Variants in DGKH observed in about 807,000 individuals in gnomAD.
DGKH encodes DAG kinase eta.
A neutral mutation model predicts 159.3 loss-of-function variants in DGKH; 90 were observed. That is an observed-to-expected ratio of 0.57 (90% confidence interval 0.48 to 0.67). The LOEUF is 0.67. Among genes scored for constraint, DGKH ranks in the 30% least tolerant of loss-of-function variants. DGKH has a pLI of 0.00. For missense variants in DGKH, 1,181 were observed against 1,506.1 expected, an observed-to-expected ratio of 0.78 and a Z score of 3.57; for synonymous variants, 536 against 553.8, an observed-to-expected ratio of 0.97 and a Z score of 0.45.
chr13:42,216,946 C>T (rs1957814359), intron 26 of DGKH, among the ~76,000 whole-genome samples: 1 of 152,116 alleles, frequency 6.6e-6, no homozygotes, highest in African/African-American at 2.4e-5. Context: ...ACGAAAAGTA[C>T]CTGCTGAGTG....
At chr13:42,077,500 T>C (rs1397117563) in intron 1 of DGKH, among the ~76,000 whole-genome samples, 3 of 152,162 alleles carry the variant, frequency 2.0e-5, no homozygotes, top group African/African-American at 4.8e-5. Flanking sequence ...TTATCCAAGA[T>C]ATAAAAAAGG....
At chr13:42,132,978 C>T (rs1180462184) in intron 3 of DGKH, among the ~76,000 whole-genome samples, 1 of 152,006 alleles carries the variant, frequency 6.6e-6, no homozygotes, top group Non-Finnish European at 1.5e-5. Flanking sequence ...ACCATCCTGG[C>T]TAACACGGTG....
chr13:42,214,285 AT>A (rs1410471302), intron 24 of DGKH, among the ~76,000 whole-genome samples: 1 of 152,064 alleles, frequency 6.6e-6, no homozygotes, highest in Non-Finnish European at 1.5e-5. Context: ...TTTAAGCCTA[AT>A]TTTTTATACA....
At chr13:42,057,269 T>C (rs978258470) in intron 1 of DGKH, among the ~76,000 whole-genome samples, 3 of 152,146 alleles carry the variant, frequency 2.0e-5, no homozygotes, top group Non-Finnish European at 4.4e-5. Context: ...TTAAAACATA[T>C]TTGAGGAAAA....
At chr13:42,137,935 C>A in intron 3 of DGKH, 1 of 202,984 alleles carries the variant, frequency 4.9e-6, no homozygotes, top group Non-Finnish European at 8.7e-6. Flanking sequence ...GTGCGCAGGA[C>A]CTGTGGTTGA....
intron 13 of DGKH, among the ~76,000 whole-genome samples, chr13:42,186,010 G>GGTGGT (rs1224301794): frequency 2.3e-5 from 3 of 132,390 alleles, no homozygotes; most frequent in South Asian, 4.7e-4. Context: ...TGGTGGTGGT[G>GGTGGT]GTGTGTGTGT....
exon 31 of DGKH, chr13:42,256,492 T>G: frequency 9.0e-7 from 1 of 1,115,176 alleles, no homozygotes; most frequent in Non-Finnish European, 1.4e-6. Flanking sequence ...CAGAACAGTT[T>G]GATGAACAGG....
intron 28 of DGKH, among the ~76,000 whole-genome samples, chr13:42,220,834 T>C (rs1033598256): frequency 1.3e-5 from 2 of 152,174 alleles, no homozygotes; most frequent in African/African-American, 2.4e-5. Flanking sequence ...CTGTGTAAAA[T>C]TGAATACCCC....
chr13:42,174,264 T>C, intron 12 of DGKH, 120 bp downstream of exon 12: 1 of 828,204 alleles, frequency 1.2e-6, no homozygotes, highest in African/African-American at 1.7e-5. Context: ...TTAATTTTAT[T>C]TTTGGGGTAT....
intron 1 of DGKH, chr13:42,070,824 T>C (rs1882914559): frequency 4.3e-6 from 6 of 1,387,228 alleles, no homozygotes; most frequent in Non-Finnish European, 6.1e-6. Context: ...CATCTGTTAA[T>C]TGGCTCCCAC....
intron 23 of DGKH, among the ~76,000 whole-genome samples, chr13:42,209,832 T>G (rs963047998): frequency 6.6e-6 from 1 of 152,188 alleles, no homozygotes; most frequent in Non-Finnish European, 1.5e-5. Flanking sequence ...GTCCATAGTT[T>G]CCATTACTCT....
At chr13:42,076,239 G>A (rs557203686) in intron 1 of DGKH, among the ~76,000 whole-genome samples, 2 of 152,296 alleles carry the variant, frequency 1.3e-5, no homozygotes, top group African/African-American at 4.8e-5. Context: ...TGCAGCCTGT[G>A]TAACAGACTG....
chr13:42,133,594 G>T (rs924822024), intron 3 of DGKH, among the ~76,000 whole-genome samples: 1 of 152,134 alleles, frequency 6.6e-6, no homozygotes, highest in Non-Finnish European at 1.5e-5. Flanking sequence ...TATTCTGGAG[G>T]CTGAGATGGG....
rs1479644341 is a variant in DGKH at position 42,235,826 on chromosome 13, G to A, written c.*6638G>A. The stretch of plus-strand genomic sequence containing the variant: ...TTCAAATCTTCAAGTAAGTTGTATC[G>A]AATGTTTTTCTTCCTCTTAAGTGAG... On this transcript the variant is annotated 3_prime_UTR_variant, in exon 30 of 30. Transcript: ENST00000337343. 6.6e-6 allele frequency: 1 copy of A among 152,038 alleles called. No homozygotes were observed. The highest frequency in any genetic ancestry group is 2.1e-4 in the South Asian group (1 of 4,822). 9.4% of individuals were successfully genotyped at this position (152,038 alleles called of 1,614,324 possible). A position where few individuals can be genotyped will look rare whatever the true frequency, so the allele number is the denominator to read the frequency against.
At chr13:42,082,339 G>A (rs1347801954) in intron 1 of DGKH, among the ~76,000 whole-genome samples, 1 of 152,054 alleles carries the variant, frequency 6.6e-6, no homozygotes, top group Non-Finnish European at 1.5e-5. Flanking sequence ...TATTTTAAAA[G>A]AGTATTTTTC....
intron 1 of DGKH, among the ~76,000 whole-genome samples, chr13:42,114,199 C>G (rs1954922426): frequency 6.6e-6 from 1 of 152,018 alleles, no homozygotes; most frequent in African/African-American, 2.4e-5. Context: ...GAATAGACAA[C>G]AGCTAATTGC....
Position 42,048,684 on chromosome 13 carries a change from G to T in DGKH, c.-90G>T. 1 of 1,216,296 alleles carries T rather than the reference G, an allele frequency of 8.2e-7. No individual in the cohort carries two copies. Among genetic ancestry groups the T allele is most frequent in the Non-Finnish European group, 1.0e-6 (1 of 974,346 alleles). The allele number at this position is 1,216,296 out of a possible 1,614,324, so 75.3% of individuals were successfully genotyped here. A position where few individuals can be genotyped will look rare whatever the true frequency, so the allele number is the denominator to read the frequency against. On this transcript the variant is annotated 5_prime_UTR_variant, in exon 1 of 30. Transcript: ENST00000337343. The surrounding 1 kb of genome is among the most constrained non-coding windows in gnomAD (Gnocchi z 6.7). ...GATGGCGGCGGCGGCCGGGCACGGG[G>T]TTCCGGGCTCCGCTCGGGCAGAGCC... is the stretch of plus-strand genomic sequence containing the variant.
chr13:42,092,748 G>A (rs748186191), intron 1 of DGKH, among the ~76,000 whole-genome samples: 5 of 152,180 alleles, frequency 3.3e-5, no homozygotes, highest in East Asian at 3.9e-4. Context: ...AAAAATAATC[G>A]TAATGTTACA....
intron 1 of DGKH, among the ~76,000 whole-genome samples, chr13:42,065,283 G>A (rs1270552337): frequency 6.6e-6 from 1 of 152,208 alleles, no homozygotes; most frequent in Non-Finnish European, 1.5e-5. Flanking sequence ...CATCTAAGTA[G>A]ACAGAGCTTT....
Sources: gnomAD v4.1 joint callset for allele counts (sites outside exome capture counted in the v4.1 genomes callset) on GRCh38, gnomAD v4.1.1 for gene constraint, Gnocchi (gnomAD v3.1) non-coding constraint, MANE v1.5 for transcripts, NCBI Gene and HGNC (gene_info 2026-07-23, HGNC 2026-07-21) for gene names.